RCOR2: variants seen among roughly 807,000 people sequenced by gnomAD.
RCOR2 encodes the protein REST corepressor 2.
Under a neutral mutation model 58.9 loss-of-function variants are expected in RCOR2, and 19 were observed. That is an observed-to-expected ratio of 0.32 (90% CI 0.23 to 0.47). The LOEUF (loss-of-function observed/expected upper bound fraction) is 0.47, where lower values mean the gene tolerates loss of function less well. Ranked by LOEUF, RCOR2 falls within the 20% of genes least tolerant of loss-of-function variation. The pLI is 1.00. For missense variants in RCOR2, 590 were observed against 707.9 expected (o/e 0.83, Z 1.89); for synonymous variants, 286 against 278.7 (o/e 1.03, Z -0.26).
At chr11:63,914,568 G>A in intron 5 of RCOR2, 27 bp from the exon 6 acceptor site, 1 of 1,613,218 alleles carries the variant, frequency 6.2e-7, no homozygotes, top group Non-Finnish European at 8.5e-7. Flanking sequence ...CAGAAGCTGG[G>A]GACCACTCAA....
At chr11:63,918,943 G>T (rs947856693), upstream of RCOR2, among the ~76,000 whole-genome samples, 1 of 152,172 alleles carries the variant, frequency 6.6e-6, no homozygotes, top group African/African-American at 2.4e-5. Flanking sequence ...CCCAGCCACT[G>T]GATTCCCTCC....
Position 63,916,501 on chromosome 11 carries a change from C to A in RCOR2, c.-45G>T, listed in dbSNP as rs768798885. 3 of 1,576,290 alleles carry A rather than the reference C, an allele frequency of 1.9e-6. No individual in the cohort carries two copies. The highest frequency in any genetic ancestry group is 2.6e-6 in the Non-Finnish European group (3 of 1,163,382). ...GGGGGGCGCAGGAGCCTTCGGAGAG[C>A]GACAGTGGTTGCCGCACTCGCTCCG... On this transcript the variant is annotated 5_prime_UTR_variant, in exon 1 of 12. Transcript: ENST00000301459.
chr11:63,926,090 T>C, the RCOR2 span, among the ~76,000 whole-genome samples: 5 of 152,084 alleles, frequency 3.3e-5, no homozygotes, highest in African/African-American at 1.2e-4. Context: ...TTTGTATTTT[T>C]AGTAGAGACG....
rs12291042 is a variant in RCOR2 at position 63,916,286 on chromosome 11, C to T, written c.127+44G>A. ...CTTCCCCCTCCCGCCCCACTCCGCT[C>T]CCCCCAGGCCGGCGCGCCTTTAACC... is the stretch of plus-strand genomic sequence containing the variant. On this transcript the variant is annotated intron_variant, in intron 1 of 11. Transcript: ENST00000301459. 17,143 of 1,523,602 alleles carry T rather than the reference C, an allele frequency of 0.011. 1,629 individuals carry two copies. In the African/African-American group the frequency reaches 0.21, roughly 18 times the overall value. 94.4% of individuals were successfully genotyped at this position (1,523,602 alleles called of 1,614,324 possible). A position where few individuals can be genotyped will look rare whatever the true frequency, so the allele number is the denominator to read the frequency against.
chr11:63,915,332 G>A (rs1050202949), intron 2 of RCOR2, 74 bp from the exon 3 acceptor site: 7 of 1,369,910 alleles, frequency 5.1e-6, no homozygotes, highest in Admixed American at 2.0e-5. Context: ...ATGGCCAGAG[G>A]GCAGCAGAGG....
intron 10 of RCOR2, 42 bp downstream of exon 10, chr11:63,912,630 GAGAT>G: frequency 6.2e-7 from 1 of 1,605,662 alleles, no homozygotes; most frequent in Admixed American, 1.7e-5. Flanking sequence ...GGAGGGTGGG[GAGAT>G]AGATTCCTGG....
chr11:63,923,519 T>C, the RCOR2 span, among the ~76,000 whole-genome samples: 1 of 152,114 alleles, frequency 6.6e-6, no homozygotes, highest in African/African-American at 2.4e-5. Flanking sequence ...GTGACTTTGT[T>C]ATCTCTAAAC....
rs547905375 is a variant in RCOR2, at chr11:63,912,193, A to G, written c.1258-14T>C. On this transcript the variant is annotated splice_polypyrimidine_tract_variant and intron_variant, in intron 11 of 11. Coordinates refer to ENST00000301459, the MANE Select transcript of RCOR2 (RefSeq NM_173587.4). ...TGTAATCTGGACCTGAGGGGAGAGG[A>G]AAGAGTGAGAAGCCAGGCTCTTCCC... 259 of 1,576,792 alleles carry G rather than the reference A, an allele frequency of 1.6e-4. 2 individuals carry two copies. In the East Asian group the frequency reaches 4.1e-3, roughly 25 times the overall value.
chr11:63,917,743 T>C (rs1320473935), upstream of RCOR2, among the ~76,000 whole-genome samples: 1 of 151,688 alleles, frequency 6.6e-6, no homozygotes, highest in Non-Finnish European at 1.5e-5. Context: ...ACTGCTGCAG[T>C]ATGCACCCCT....
upstream of RCOR2, among the ~76,000 whole-genome samples, chr11:63,921,773 T>G (rs985860664): frequency 3.3e-5 from 5 of 152,208 alleles, no homozygotes; most frequent in African/African-American, 1.2e-4. Context: ...CACTGCTCCA[T>G]GAGGCAGCCC....
intron 10 of RCOR2, 68 bp downstream of exon 10, chr11:63,912,608 C>A: frequency 6.3e-7 from 1 of 1,580,448 alleles, no homozygotes; most frequent in Non-Finnish European, 8.7e-7. Context: ...CCCCTCTGCC[C>A]CCCCACTCCT....
chr11:63,911,761 C>G lies in RCOR2; in HGVS notation c.*104G>C. The G allele has an allele frequency of 7.1e-7, 1 of 1,399,310 alleles. No individual in the cohort carries two copies. Among genetic ancestry groups the G allele is most frequent in the East Asian group, 2.9e-5 (1 of 34,216 alleles). 86.7% of individuals were successfully genotyped at this position (1,399,310 alleles called of 1,614,324 possible). The stretch of plus-strand genomic sequence containing the variant: ...TCCGAAACTCTGGTCTTACAAAGAC[C>G]CCGCCAGAGCCCTAGTCCCTTCTGT... On this transcript the variant is annotated 3_prime_UTR_variant, in exon 12 of 12. Transcript: ENST00000301459.
chr11:63,914,130 C>T lies in RCOR2; in HGVS notation c.715G>A (p.Gly239Arg). 1 of 1,613,934 alleles carries T rather than the reference C, an allele frequency of 6.2e-7. No homozygotes were observed. Among genetic ancestry groups the T allele is most frequent in the Non-Finnish European group, 8.5e-7 (1 of 1,180,020 alleles). ...SRPLNARPGP[G>R]KKEVQVSQYR... ...TGAGACACCTGGACCTCCTTTTTCC[C>T]AGGGCCTGGGCGTGCATTCAGGGGC... Residue 239 changes from glycine to arginine, a missense_variant, in exon 8 of 12, where the codon GGG becomes AGG. By Grantham distance (125) the Gly-to-Arg change is moderately radical. Transcript: ENST00000301459.
Position 63,911,913 on chromosome 11 carries a change from T to A in RCOR2, c.1524A>T (p.Pro508=). Residue 508 remains proline (P), a synonymous_variant, in exon 12 of 12, where the codon CCA becomes CCT. Coordinates refer to ENST00000301459, the MANE Select transcript of RCOR2 (RefSeq NM_173587.4). ...CCAGAGGGGTTCCAATCAGGGTGGGTGGGGGCTGAGGGCCAGGGCGGGCGC... is the reference window on the plus strand; with the variant it reads ...CCAGAGGGGTTCCAATCAGGGTGGGAGGGGGCTGAGGGCCAGGGCGGGCGC... The part of the protein sequence containing the change: ...RHSARPGPQP[P]PTLIGTPLEP... The A allele has an allele frequency of 2.9e-6, 1 of 346,612 alleles. No homozygotes were observed. 21.5% of individuals were successfully genotyped at this position (346,612 alleles called of 1,614,324 possible).
chr11:63,914,648 G>C lies in RCOR2; in HGVS notation c.480+7C>G. On this transcript the variant is annotated splice_region_variant and intron_variant, in intron 5 of 11. Transcript: ENST00000301459. Reference sequence around the variant, plus strand: ...AGCGCCGGGGAGTGGGGGTGGAAGGGCTTTACCATCTGCTGGATCCGCTGG... The same window carrying C: ...AGCGCCGGGGAGTGGGGGTGGAAGGCCTTTACCATCTGCTGGATCCGCTGG... The C allele has an allele frequency of 6.2e-7, 1 of 1,605,004 alleles. No individual in the cohort carries two copies. The highest frequency in any genetic ancestry group is 8.5e-7 in the Non-Finnish European group (1 of 1,175,194).
chr11:63,924,424 G>T, the RCOR2 span, among the ~76,000 whole-genome samples: 1 of 152,138 alleles, frequency 6.6e-6, no homozygotes, highest in Non-Finnish European at 1.5e-5. Context: ...GGCCAGGCTG[G>T]TCTCGTAATC....
Position 63,911,966 on chromosome 11 carries a change from G to A in RCOR2, c.1471C>T (p.Arg491Cys), listed in dbSNP as rs1231309893. Residue 491 changes from arginine to cysteine, a missense_variant, in exon 12 of 12, where the codon CGC becomes TGC. By Grantham distance (180) the Arg-to-Cys change is radical. Transcript: ENST00000301459. ...APNQPPPPLIRPALAAPRHSA... is the reference protein window; with the variant it reads ...APNQPPPPLICPALAAPRHSA... ...TGGCGGGGGGCAGCCAGAGCGGGGC[G>A]GATGAGAGGCGGTGGGGGCTGGTTG... 1.8e-5 allele frequency: 24 copies of A among 1,327,138 alleles called. No homozygotes were observed. Among genetic ancestry groups the A allele is most frequent in the Admixed American group, 2.9e-5 (1 of 34,374 alleles). The allele number at this position is 1,327,138 out of a possible 1,614,324, so 82.2% of individuals were successfully genotyped here.
intron 7 of RCOR2, 43 bp from the exon 8 acceptor site, chr11:63,914,212 G>A: frequency 6.2e-7 from 1 of 1,613,224 alleles, no homozygotes; most frequent in East Asian, 2.2e-5. Flanking sequence ...CAGAGCCAGA[G>A]AGAGGCAAGA....
chr11:63,925,572 C>G, the RCOR2 span, among the ~76,000 whole-genome samples: 10 of 151,814 alleles, frequency 6.6e-5, no homozygotes, highest in African/African-American at 2.4e-4. Context: ...AATCCAAGAA[C>G]TTTGGGAGGC....
Sources: gnomAD v4.1 joint callset for allele counts (sites outside exome capture counted in the v4.1 genomes callset) on GRCh38, gnomAD v4.1.1 for gene constraint, MANE v1.5 for transcripts, NCBI Gene and HGNC (gene_info 2026-07-23, HGNC 2026-07-21) for gene names.